MTO1: variants seen among roughly 807,000 people sequenced by gnomAD.
MTO1 encodes mitochondrial tRNA translation optimization 1.
MTO1 carries 46 observed loss-of-function variants against 71.6 expected under a neutral mutation model. The ratio of observed to expected loss-of-function variants is 0.64; its 90% CI spans 0.51 to 0.82. The LOEUF is 0.82. MTO1 is among the 40% of genes least tolerant of loss of function. MTO1 has a pLI of 0.00. For missense variants in MTO1, 773 were observed against 867.5 expected (o/e 0.89, Z 1.37); for synonymous variants, 297 against 312.1 (o/e 0.95, Z 0.51).
At chr6:73,488,250 T>C (rs1291406742) in intron 9 of MTO1, among the ~76,000 whole-genome samples, 2 of 152,086 alleles carry the variant, frequency 1.3e-5, no homozygotes, top group Non-Finnish European at 2.9e-5. Context: ...CATAGCTCAC[T>C]GCAGCCTCAA....
At chr6:73,469,961 T>C (rs1283204684) in intron 3 of MTO1, among the ~76,000 whole-genome samples, 1 of 152,064 alleles carries the variant, frequency 6.6e-6, no homozygotes, top group Non-Finnish European at 1.5e-5. Flanking sequence ...GCCGTGATAG[T>C]GCCACTGCAC....
intron 1 of MTO1, among the ~76,000 whole-genome samples, chr6:73,465,364 G>A (rs373993189): frequency 8.6e-5 from 13 of 151,934 alleles, no homozygotes; most frequent in African/African-American, 2.4e-4. Context: ...GGGTTTCACC[G>A]TGTCGCCCAG....
chr6:73,494,465 T>C (rs986145186), intron 10 of MTO1, among the ~76,000 whole-genome samples: 6 of 146,596 alleles, frequency 4.1e-5, no homozygotes, highest in Non-Finnish European at 7.5e-5. Context: ...AGCAGTGGCA[T>C]TTTCTTTTTT....
intron 7 of MTO1, among the ~76,000 whole-genome samples, chr6:73,481,700 C>T (rs973353215): frequency 1.3e-5 from 2 of 151,966 alleles, no homozygotes; most frequent in East Asian, 3.9e-4. Flanking sequence ...CTCAGGAAGT[C>T]GAGGCTGCAG....
At position 73,498,873 on chromosome 6, in the gene MTO1, T is replaced by C. The variant is rs569108398; in HGVS notation, c.1917+977T>C. 3.3e-5 allele frequency among the ~76,000 whole-genome samples: 5 copies of C among 152,002 alleles called. No individual in the cohort carries two copies. The East Asian group carries it at 5.8e-4, about 18-fold the overall frequency. ...CCAAGTAGCTGGGACTACAGGCGCA[T>C]GCCACCACACTCAGCTAATTTTTTT... is the stretch of plus-strand genomic sequence containing the variant. On this transcript the variant is annotated intron_variant, in intron 11 of 11. Transcript: ENST00000498286.
chr6:73,491,301 C>T (rs1307294929), intron 9 of MTO1, among the ~76,000 whole-genome samples: 2 of 150,992 alleles, frequency 1.3e-5, no homozygotes, highest in Non-Finnish European at 2.9e-5. Flanking sequence ...TATTTATGAA[C>T]CAGCCGGGCA....
At position 73,473,520 on chromosome 6, in the gene MTO1, G is replaced by C. The variant is rs150037981; in HGVS notation, c.691G>C (p.Val231Leu). 3.0e-5 allele frequency: 48 copies of C among 1,614,096 alleles called. No homozygotes were observed. In the African/African-American group the frequency reaches 5.7e-4, roughly 19 times the overall value. The change falls in exon 4 of 12, where the codon GTG becomes CTG. Residue 231 changes from valine (V) to leucine (L), a missense_variant. By Grantham distance (32) the Val-to-Leu change is conservative. Coordinates refer to ENST00000498286, the MANE Select transcript of MTO1 (RefSeq NM_012123.4). ...TCAGACACTGGAGAAGTTAGGGTTT[G>C]TGGTGGGAAGGTTGAAGACTGGGAC... ...LAQTLEKLGF[V>L]VGRLKTGTPP...
In MTO1 at chr6:73,500,589, C is replaced by A. The variant is rs746382157; in HGVS notation, c.1933C>A (p.Arg645Ser). 3.0e-5 allele frequency: 49 copies of A among 1,612,552 alleles called. 1 individual carries two copies. In the South Asian group the frequency reaches 4.0e-4, roughly 13 times the overall value. Residue 645 changes from arginine (R) to serine (S), a missense_variant, in exon 12 of 12, where the codon CGC becomes AGC. Arg to Ser is a moderately radical substitution (Grantham distance 110). Transcript: ENST00000498286. The part of the protein sequence containing the change: ...SRPQTIGAAS[R>S]IPGVTPAAII... ...TGATTTTTAGATCGGGGCTGCTAGT[C>A]GCATACCCGGAGTAACACCTGCCGC...
chr6:73,482,435 T>C lies in MTO1; in HGVS notation c.1466-14T>C. 1 of 1,601,432 alleles carries C rather than the reference T, an allele frequency of 6.2e-7. No homozygotes were observed. The highest frequency in any genetic ancestry group is 8.5e-7 in the Non-Finnish European group (1 of 1,175,834). On this transcript the variant is annotated splice_polypyrimidine_tract_variant and intron_variant, in intron 8 of 11. Transcript: ENST00000498286. ...ACCACACTTCTCATTATATTCTCTTTCTCCCTTCCCTAGGGTATAAAGACG... is the reference window on the plus strand; with the variant it reads ...ACCACACTTCTCATTATATTCTCTTCCTCCCTTCCCTAGGGTATAAAGACG...
rs1772148144 is a variant in MTO1, at chr6:73,501,093, T to A, written c.*358T>A. On this transcript the variant is annotated 3_prime_UTR_variant, in exon 12 of 12. Coordinates refer to ENST00000498286, the MANE Select transcript of MTO1 (RefSeq NM_012123.4). ...GTCTACCAAATTAAAAGTCTTATCA[T>A]TCAGCGTGTTTTGAGAGTTAATAAT... 6.2e-6 allele frequency: 1 copy of A among 160,046 alleles called. No homozygotes were observed. 9.9% of individuals were successfully genotyped at this position (160,046 alleles called of 1,614,324 possible).
intron 4 of MTO1, among the ~76,000 whole-genome samples, chr6:73,475,438 A>G (rs1206903964): frequency 2.0e-5 from 3 of 151,246 alleles, no homozygotes; most frequent in Admixed American, 1.3e-4. Context: ...GCCCGCCGCC[A>G]TGCCCAGCTA....
chr6:73,497,931 T>C, intron 11 of MTO1, 35 bp downstream of exon 11: 3 of 1,563,780 alleles, frequency 1.9e-6, no homozygotes, highest in African/African-American at 1.4e-5. Flanking sequence ...AAACAAGTTA[T>C]AGATAAAGAT....
chr6:73,472,836 G>GT (rs1394036961), intron 3 of MTO1, among the ~76,000 whole-genome samples: 1 of 152,058 alleles, frequency 6.6e-6, no homozygotes, highest in East Asian at 1.9e-4. Context: ...AATATATACA[G>GT]TTTTTTATAT....
intron 9 of MTO1, among the ~76,000 whole-genome samples, chr6:73,488,079 G>C (rs1333020527): frequency 6.6e-6 from 1 of 152,180 alleles, no homozygotes; most frequent in Non-Finnish European, 1.5e-5. Context: ...CTGATGATTA[G>C]TGGATGTTGA....
chr6:73,466,704 A>T, intron 3 of MTO1, 98 bp downstream of exon 3: 1 of 1,058,808 alleles, frequency 9.4e-7, no homozygotes, highest in South Asian at 1.4e-5. Flanking sequence ...TGCTTATTCA[A>T]GGAACTTGTT....
At chr6:73,485,048 A>C (rs79007063) in intron 9 of MTO1, among the ~76,000 whole-genome samples, 1 of 141,588 alleles carries the variant, frequency 7.1e-6, no homozygotes. Context: ...CTCTGTATCA[A>C]AAAAAAAAAA....
In MTO1 at chr6:73,497,829, T is replaced by C. The variant is rs1168161861; in HGVS notation, c.1850T>C (p.Leu617Ser). The C allele has an allele frequency of 2.0e-5, 32 of 1,613,916 alleles. No homozygotes were observed. Among genetic ancestry groups the C allele is most frequent in the Non-Finnish European group, 2.5e-5 (30 of 1,179,918 alleles). Residue 617 changes from leucine (L) to serine (S), a missense_variant, in exon 11 of 12, where the codon TTG becomes TCG. Physicochemically the swap from Leu to Ser is moderately radical, Grantham distance 145. Coordinates refer to ENST00000498286, the MANE Select transcript of MTO1 (RefSeq NM_012123.4). ...ALQLPKDLDY[L>S]TIRDVSLSHE... ...CAACTGCCAAAAGACCTAGATTATT[T>C]GACTATCAGGGATGTGTCTTTGTCC...
At position 73,503,764 on chromosome 6, in the gene MTO1, T is replaced by C. The variant is rs1230718909; in HGVS notation, c.*3029T>C. ...AAGAAACACTAAGCATTTGTAAAATTACTGGGGGAGGAAGGATGAAGATAC... is the reference window on the plus strand; with the variant it reads ...AAGAAACACTAAGCATTTGTAAAATCACTGGGGGAGGAAGGATGAAGATAC... On this transcript the variant is annotated 3_prime_UTR_variant, in exon 12 of 12. Coordinates refer to ENST00000498286, the MANE Select transcript of MTO1 (RefSeq NM_012123.4). The C allele has an allele frequency of 6.6e-6, 1 of 152,048 alleles. No individual in the cohort carries two copies. The highest frequency in any genetic ancestry group is 6.6e-5 in the Admixed American group (1 of 15,262). The allele number at this position is 152,048 out of a possible 1,614,324, so 9.4% of individuals were successfully genotyped here. A position where few individuals can be genotyped will look rare whatever the true frequency, so the allele number is the denominator to read the frequency against.
chr6:73,472,127 G>A (rs78258948), intron 3 of MTO1, among the ~76,000 whole-genome samples: 3,689 of 152,096 alleles, frequency 0.024, 73 homozygotes, highest in Non-Finnish European at 0.035. Flanking sequence ...AGCCTTTGCA[G>A]GGCAAATTAG....
Sources: gnomAD v4.1 joint callset for allele counts (sites outside exome capture counted in the v4.1 genomes callset) on GRCh38, gnomAD v4.1.1 for gene constraint, MANE v1.5 for transcripts, NCBI Gene and HGNC (gene_info 2026-07-23, HGNC 2026-07-21) for gene names.